The following PKHD1 variants were observed in gnomAD, a reference collection of about 807,000 sequenced individuals.
The protein encoded by PKHD1 is fibrocystin.
In PKHD1, 291 loss-of-function variants were observed where a neutral mutation model predicts 412.0. The ratio of observed to expected loss-of-function variants is 0.71; its 90% CI spans 0.64 to 0.78. The LOEUF is 0.78. PKHD1 is among the 30% of genes least tolerant of loss of function. PKHD1 has a pLI of 0.00. For missense variants in PKHD1, 4,825 were observed against 4,950.7 expected (o/e 0.97, Z 0.76); for synonymous variants, 1,777 against 1,821.5 (o/e 0.98, Z 0.62).
In PKHD1 at chr6:51,885,886, T is replaced by A; in HGVS notation, c.7196A>T (p.Glu2399Val). 1 of 1,611,800 alleles carries A rather than the reference T, an allele frequency of 6.2e-7. No individual in the cohort carries two copies. Among genetic ancestry groups the A allele is most frequent in the African/African-American group, 1.3e-5 (1 of 74,992 alleles). Residue 2399 changes from glutamate to valine, a missense_variant, in exon 45 of 67, where the codon GAA becomes GTA. Transcript: ENST00000371117. ...TTLFQSFTVW[E>V]SAGGAQIFRS... is the part of the protein sequence containing the mutation. ...GCTTACCTGGGCACCACCTGCACTTTCCCAAACTGTGAAGCTCTGGAACAG... is the reference window on the plus strand; with the variant it reads ...GCTTACCTGGGCACCACCTGCACTTACCCAAACTGTGAAGCTCTGGAACAG...
chr6:51,764,327 CA>C (rs557219014), intron 55 of PKHD1, among the ~76,000 whole-genome samples: 5,289 of 149,866 alleles, frequency 0.035, 255 homozygotes, highest in African/African-American at 0.1. Flanking sequence ...TCATCATCAC[CA>C]GCCATCAGAG....
chr6:52,029,452 G>T (rs1368002059), intron 29 of PKHD1, among the ~76,000 whole-genome samples: 1 of 152,140 alleles, frequency 6.6e-6, no homozygotes, highest in Non-Finnish European at 1.5e-5. Context: ...AGTAAAATAG[G>T]TGACAAAATT....
intron 51 of PKHD1, among the ~76,000 whole-genome samples, chr6:51,834,203 G>A (rs1459584975): frequency 1.3e-5 from 2 of 152,150 alleles, no homozygotes; most frequent in Non-Finnish European, 1.5e-5. Flanking sequence ...AGCCAGTAAG[G>A]AAAGAAAGGT....
chr6:51,980,583 G>GA (rs1294341057), intron 35 of PKHD1, among the ~76,000 whole-genome samples: 3 of 152,090 alleles, frequency 2.0e-5, no homozygotes, highest in East Asian at 1.9e-4. Context: ...GCTCACTGTT[G>GA]AAAAAAACCA....
At chr6:51,866,822 C>G (rs1203595864) in intron 48 of PKHD1, among the ~76,000 whole-genome samples, 1 of 152,044 alleles carries the variant, frequency 6.6e-6, no homozygotes, top group Admixed American at 6.6e-5. Flanking sequence ...AAAAGTCATG[C>G]TCTGCACAAT....
At chr6:51,716,159 T>A (rs1781231842) in intron 60 of PKHD1, among the ~76,000 whole-genome samples, 1 of 152,214 alleles carries the variant, frequency 6.6e-6, no homozygotes, top group African/African-American at 2.4e-5. Context: ...TTTGAAGTAT[T>A]TTTGTATAAT....
At chr6:51,658,465 C>T (rs1772249252) in intron 61 of PKHD1, among the ~76,000 whole-genome samples, 1 of 152,038 alleles carries the variant, frequency 6.6e-6, no homozygotes, top group African/African-American at 2.4e-5. Flanking sequence ...TTAAGTTCTA[C>T]CAAATTCCAC....
At chr6:51,789,183 T>C (rs1028811187) in intron 53 of PKHD1, among the ~76,000 whole-genome samples, 2 of 152,168 alleles carry the variant, frequency 1.3e-5, no homozygotes, top group African/African-American at 4.8e-5. Flanking sequence ...GGTGTACAAA[T>C]TTGTAAAATT....
At chr6:51,773,569 T>C (rs1352380878) in intron 54 of PKHD1, among the ~76,000 whole-genome samples, 1 of 151,484 alleles carries the variant, frequency 6.6e-6, no homozygotes, top group African/African-American at 2.4e-5. Flanking sequence ...TATACACATA[T>C]ATGAATATAC....
chr6:52,048,933 C>G (rs1403060180), intron 22 of PKHD1, among the ~76,000 whole-genome samples: 1 of 152,084 alleles, frequency 6.6e-6, no homozygotes, highest in African/African-American at 2.4e-5. Flanking sequence ...CTTTTCCTGC[C>G]CAGAGGACCA....
chr6:51,932,768 C>A (rs1786847137), intron 37 of PKHD1, among the ~76,000 whole-genome samples: 1 of 152,130 alleles, frequency 6.6e-6, no homozygotes, highest in African/African-American at 2.4e-5. Flanking sequence ...AAAATTTGAT[C>A]CCCAGTGTCT....
At chr6:51,774,763 C>G (rs1790722297) in intron 54 of PKHD1, among the ~76,000 whole-genome samples, 1 of 151,762 alleles carries the variant, frequency 6.6e-6, no homozygotes, top group African/African-American at 2.4e-5. Context: ...TCATAGTGTT[C>G]AGAAACCTCA....
chr6:51,691,719 C>A (rs1778176606), intron 60 of PKHD1, among the ~76,000 whole-genome samples: 1 of 152,044 alleles, frequency 6.6e-6, no homozygotes, highest in South Asian at 2.1e-4. Context: ...AGGCTTAATA[C>A]CTGGGTGACA....
chr6:51,666,322 G>A (rs2150461559), intron 60 of PKHD1, among the ~76,000 whole-genome samples: 1 of 152,184 alleles, frequency 6.6e-6, no homozygotes, highest in South Asian at 2.1e-4. Flanking sequence ...ATACTACCCA[G>A]CTTACCTCTG....
chr6:51,787,912 A>T (rs952918933), intron 53 of PKHD1, among the ~76,000 whole-genome samples: 2 of 152,346 alleles, frequency 1.3e-5, no homozygotes, highest in East Asian at 3.9e-4. Context: ...TTTTGTAGTA[A>T]CAAGAACAGG....
intron 51 of PKHD1, among the ~76,000 whole-genome samples, chr6:51,832,558 C>T (rs2151522250): frequency 6.6e-6 from 1 of 151,854 alleles, no homozygotes; most frequent in Middle Eastern, 3.4e-3. Context: ...ATAGTTTGTG[C>T]CATAGGGCAT....
At chr6:52,066,845 A>G (rs1160220767) in intron 11 of PKHD1, among the ~76,000 whole-genome samples, 1 of 152,166 alleles carries the variant, frequency 6.6e-6, no homozygotes, top group Non-Finnish European at 1.5e-5. Flanking sequence ...GGTTGCACTG[A>G]GCCAAGATGG....
chr6:51,747,740 C>T (rs774789383), intron 58 of PKHD1, 47 bp downstream of exon 58: 10 of 1,528,010 alleles, frequency 6.5e-6, no homozygotes, highest in Middle Eastern at 2.0e-4. Context: ...AAATTTTATG[C>T]ATGGATGTAT....
chr6:51,872,032 A>C (rs917094730), intron 46 of PKHD1, among the ~76,000 whole-genome samples: 1 of 152,240 alleles, frequency 6.6e-6, no homozygotes, highest in Admixed American at 6.5e-5. Flanking sequence ...GAAATAGGAG[A>C]GTAGAAAAAA....
Sources: allele counts gnomAD v4.1 joint callset (sites outside exome capture counted in the v4.1 genomes callset), GRCh38; gene constraint gnomAD v4.1.1; transcripts MANE v1.5; gene names NCBI Gene and HGNC (gene_info 2026-07-23, HGNC 2026-07-21).